CHRM5: variants seen among roughly 807,000 people sequenced by gnomAD.
CHRM5 encodes muscarinic acetylcholine receptor M5.
In CHRM5, 18 loss-of-function variants were observed where a neutral mutation model predicts 39.0. The ratio of observed to expected loss-of-function variants is 0.46; its 90% confidence interval spans 0.32 to 0.68. The LOEUF (loss-of-function observed/expected upper bound fraction) is 0.68. Ranked by LOEUF, CHRM5 falls within the 30% of genes least tolerant of loss-of-function variation. The probability of loss-of-function intolerance (pLI) is 0.04; values close to 1 mark genes in which losing one functional copy is unlikely to be tolerated. For synonymous variants in CHRM5, 241 were observed against 246.3 expected (o/e 0.98, Z 0.20); for missense variants, 515 against 651.1 (o/e 0.79, Z 2.28).
At chr15:33,982,602 T>C (rs188671264) in intron 1 of CHRM5, among the ~76,000 whole-genome samples, 351 of 152,304 alleles carry the variant, frequency 2.3e-3, no homozygotes, top group Middle Eastern at 0.01. Flanking sequence ...TTTTTTTAAA[T>C]GCTATAAATG....
At chr15:34,056,858 C>A (rs1355182743) in intron 2 of CHRM5, among the ~76,000 whole-genome samples, 1 of 152,074 alleles carries the variant, frequency 6.6e-6, no homozygotes, top group Non-Finnish European at 1.5e-5. Flanking sequence ...TAGCGAGACC[C>A]TATCTCAAAG....
chr15:34,063,325 A>G lies in CHRM5; in HGVS notation c.608A>G (p.Tyr203Cys). The G allele has an allele frequency of 1.9e-6, 3 of 1,614,160 alleles. No individual in the cohort carries two copies. Among genetic ancestry groups the G allele is most frequent in the Middle Eastern group, 1.6e-4 (1 of 6,062 alleles). Residue 203 changes from tyrosine to cysteine, a missense_variant, in exon 3 of 3, where the codon TAC becomes TGC. Coordinates refer to ENST00000383263, the MANE Select transcript of CHRM5 (RefSeq NM_012125.4). The surrounding 1 kb of genome is among the most constrained non-coding windows in gnomAD (Gnocchi z 4.1). ...TTTGGCACTGCCATTGCTGCCTTCT[A>G]CATCCCTGTTTCTGTCATGACCATC... ...ITFGTAIAAF[Y>C]IPVSVMTILY...
In CHRM5 at chr15:34,067,093, A is replaced by G. The variant is rs935991304; in HGVS notation, c.*2777A>G. On this transcript the variant is annotated 3_prime_UTR_variant, in exon 3 of 3. Transcript: ENST00000383263. ...GCCCCCAGTCTTCCAGGCTTTGTCT[A>G]TAGTAAACCATGTATGACTTTGGCT... 2.0e-5 allele frequency: 3 copies of G among 152,166 alleles called. No homozygotes were observed. Among genetic ancestry groups the G allele is most frequent in the African/African-American group, 7.2e-5 (3 of 41,450 alleles). 9.4% of individuals were successfully genotyped at this position (152,166 alleles called of 1,614,324 possible).
chr15:33,980,411 C>T (rs912449763), intron 1 of CHRM5, among the ~76,000 whole-genome samples: 16 of 152,228 alleles, frequency 1.1e-4, no homozygotes, highest in Non-Finnish European at 2.1e-4. Flanking sequence ...TTACGCAAGG[C>T]TGTTATAGTA....
chr15:34,024,669 G>A (rs1167955463), intron 1 of CHRM5, among the ~76,000 whole-genome samples: 1 of 148,844 alleles, frequency 6.7e-6, no homozygotes, highest in Non-Finnish European at 1.5e-5. Flanking sequence ...TGACCAACAT[G>A]GTGAAACCCC....
intron 1 of CHRM5, chr15:33,991,805 A>T (rs1158512268): frequency 6.6e-6 from 1 of 152,288 alleles, no homozygotes; most frequent in Non-Finnish European, 1.5e-5. Flanking sequence ...GTAGAAAAAG[A>T]AACACTGAAA....
intron 2 of CHRM5, among the ~76,000 whole-genome samples, chr15:34,059,993 G>T (rs1900283192): frequency 1.3e-5 from 2 of 149,720 alleles, no homozygotes; most frequent in Non-Finnish European, 2.9e-5. Flanking sequence ...GAGGAAGGAA[G>T]AAAAGAAAGA....
chr15:34,034,348 G>A (rs1899013229), intron 1 of CHRM5, among the ~76,000 whole-genome samples: 1 of 151,972 alleles, frequency 6.6e-6, no homozygotes, highest in African/African-American at 2.4e-5. Flanking sequence ...GGCTGAGATG[G>A]GAGGATCCCT....
At chr15:34,053,103 G>T (rs578157646) in intron 2 of CHRM5, among the ~76,000 whole-genome samples, 2 of 151,364 alleles carry the variant, frequency 1.3e-5, no homozygotes, top group African/African-American at 2.4e-5. Flanking sequence ...AATTTGAGAC[G>T]AGCCTAGCCA....
Position 34,010,848 on chromosome 15 carries a change from T to C in CHRM5, c.-407-35692T>C, listed in dbSNP as rs1174710955. Among the ~76,000 whole-genome samples, 3 of 152,240 alleles carry C rather than the reference T, an allele frequency of 2.0e-5. No individual in the cohort carries two copies. In the East Asian group the frequency reaches 5.8e-4, roughly 29 times the overall value. ...AGCTTTAAAATATATAACTGATTAA[T>C]AGTTAATTGCCAACTTTTATATTTG... On this transcript the variant is annotated intron_variant, in intron 1 of 2. Coordinates refer to ENST00000383263, the MANE Select transcript of CHRM5 (RefSeq NM_012125.4).
At chr15:34,038,317 C>T (rs1204545555) in intron 1 of CHRM5, among the ~76,000 whole-genome samples, 1 of 152,226 alleles carries the variant, frequency 6.6e-6, no homozygotes, top group African/African-American at 2.4e-5. Context: ...AGGCATTGCA[C>T]AGACAGTTAA....
chr15:34,017,490 T>TTTTG (rs1555516594), intron 1 of CHRM5, among the ~76,000 whole-genome samples: 51 of 82,656 alleles, frequency 6.2e-4, no homozygotes, highest in African/African-American at 4.3e-4. Flanking sequence ...TTTTGTTTTT[T>TTTTG]TTTTTTTTTT....
intron 1 of CHRM5, among the ~76,000 whole-genome samples, chr15:34,044,869 T>C (rs1899628772): frequency 6.6e-6 from 1 of 152,004 alleles, no homozygotes; most frequent in Non-Finnish European, 1.5e-5. Flanking sequence ...GCTAATAGGG[T>C]GAAACCCCGT....
At chr15:33,974,957 G>A (rs1214024185) in intron 1 of CHRM5, among the ~76,000 whole-genome samples, 1 of 152,246 alleles carries the variant, frequency 6.6e-6, no homozygotes, top group South Asian at 2.1e-4. Context: ...GAGCAACAAG[G>A]GCGAAACTCT....
At chr15:34,012,524 A>T (rs1897680453) in intron 1 of CHRM5, among the ~76,000 whole-genome samples, 1 of 152,054 alleles carries the variant, frequency 6.6e-6, no homozygotes, top group Non-Finnish European at 1.5e-5. Context: ...TTTTGCTGGG[A>T]TTTCACTGCA....
At chr15:33,983,285 T>C (rs2140534559) in intron 1 of CHRM5, among the ~76,000 whole-genome samples, 1 of 151,004 alleles carries the variant, frequency 6.6e-6, no homozygotes, top group East Asian at 2.0e-4. Context: ...TGACAAAAGA[T>C]AAAATAAGCT....
At chr15:34,011,131 G>T (rs1271034805) in intron 1 of CHRM5, among the ~76,000 whole-genome samples, 1 of 152,090 alleles carries the variant, frequency 6.6e-6, no homozygotes, top group Non-Finnish European at 1.5e-5. Flanking sequence ...GCTCAAGGCT[G>T]CAGTAAGCTA....
intron 1 of CHRM5, among the ~76,000 whole-genome samples, chr15:33,994,554 G>A (rs1000671255): frequency 2.0e-5 from 3 of 152,140 alleles, no homozygotes; most frequent in African/African-American, 7.2e-5. Flanking sequence ...ACCGGTCCCT[G>A]GTGCCAAAAA....
chr15:33,991,833 A>G (rs1896738573), intron 1 of CHRM5: 1 of 152,402 alleles, frequency 6.6e-6, no homozygotes, highest in Non-Finnish European at 1.5e-5. Context: ...ATGCAAAATC[A>G]CCAAGAATCT....
Sources: allele counts gnomAD v4.1 joint callset (sites outside exome capture counted in the v4.1 genomes callset), GRCh38; gene constraint gnomAD v4.1.1; non-coding constraint Gnocchi (gnomAD v3.1); transcripts MANE v1.5; gene names NCBI Gene and HGNC (gene_info 2026-07-23, HGNC 2026-07-21).